AGMAT: variants seen among roughly 807,000 people sequenced by gnomAD.
AGMAT encodes agmatinase (putative).
Under a neutral mutation model 29.3 loss-of-function variants are expected in AGMAT, and 37 were observed. That is an observed-to-expected ratio of 1.26 (90% CI 0.97 to 1.66). The LOEUF is 1.66. AGMAT is among the 40% of genes most tolerant of loss of function. The probability of loss-of-function intolerance (pLI) is 0.00; values close to 1 mark genes in which losing one functional copy is unlikely to be tolerated. For synonymous variants in AGMAT, 199 were observed against 200.8 expected (o/e 0.99, Z 0.08); for missense variants, 498 against 497.8 (o/e 1.00, Z 0.00).
In AGMAT at chr1:15,572,865, G is replaced by A. The variant is rs1378420999; in HGVS notation, c.*786C>T. The stretch of plus-strand genomic sequence containing the variant: ...GATGGAGTCTTGCTCTGGCACCCAG[G>A]CTGGAGTGCAGTGGTGCGATCTCAG... On this transcript the variant is annotated 3_prime_UTR_variant, in exon 7 of 7. Transcript: ENST00000375826. 1 of 150,202 alleles carries A rather than the reference G, an allele frequency of 6.7e-6. No homozygotes were observed. Among genetic ancestry groups the A allele is most frequent in the Non-Finnish European group, 1.5e-5 (1 of 67,964 alleles). 9.3% of individuals were successfully genotyped at this position (150,202 alleles called of 1,614,324 possible).
rs1186447665 is a variant in AGMAT, at chr1:15,577,769, A to G, written c.816T>C (p.Tyr272=). 5 of 1,614,210 alleles carry G rather than the reference A, an allele frequency of 3.1e-6. No homozygotes were observed. Among genetic ancestry groups the G allele is most frequent in the Non-Finnish European group, 3.4e-6 (4 of 1,180,032 alleles). Residue 272 remains tyrosine (Y), a synonymous_variant, in exon 5 of 7, where the codon TAT becomes TAC. Coordinates refer to ENST00000375826, the MANE Select transcript of AGMAT (RefSeq NM_024758.5). ...CCAGAGCGTCAATATCAAAGCTGAT[A>G]TAAATGGGTTTGCCTCCCATCTGCT... ...VRQQMGGKPI[Y]ISFDIDALDP...
rs758995423 is a variant in AGMAT, at chr1:15,584,887, A to G, written c.81T>C (p.His27=). 4 of 1,405,122 alleles carry G rather than the reference A, an allele frequency of 2.8e-6. No individual in the cohort carries two copies. The highest frequency in any genetic ancestry group is 3.7e-6 in the Non-Finnish European group (4 of 1,086,586). 87.0% of individuals were successfully genotyped at this position (1,405,122 alleles called of 1,614,324 possible). A position where few individuals can be genotyped will look rare whatever the true frequency, so the allele number is the denominator to read the frequency against. Residue 27 remains histidine, a synonymous_variant, in exon 1 of 7, where the codon CAT becomes CAC. Transcript: ENST00000375826. ...CCTGGCGGCTCTGGCGGCGCCCCGGATGAAAGAGCCCTGCGGCAGGACGCG... is the reference window on the plus strand; with the variant it reads ...CCTGGCGGCTCTGGCGGCGCCCCGGGTGAAAGAGCCCTGCGGCAGGACGCG... ...VGARPAAGLF[H]PGRRQSRQAS...
intron 5 of AGMAT, among the ~76,000 whole-genome samples, chr1:15,576,940 C>T (rs539655796): frequency 4.0e-5 from 6 of 149,786 alleles, no homozygotes; most frequent in Admixed American, 2.0e-4. Context: ...TTAGTAGAGA[C>T]GGAGTTTCAC....
intron 5 of AGMAT, among the ~76,000 whole-genome samples, chr1:15,577,051 A>G (rs1639050682): frequency 6.6e-6 from 1 of 151,918 alleles, no homozygotes. Flanking sequence ...TGCCCGGCCA[A>G]GTTTAGTGTT....
rs970867335 is a variant in AGMAT at position 15,583,182 on chromosome 1, A to T, written c.475+11T>A. On this transcript the variant is annotated intron_variant, in intron 2 of 6. Coordinates refer to ENST00000375826, the MANE Select transcript of AGMAT (RefSeq NM_024758.5). ...CAGGGAACTACTCTGGCTCTTGCAGACTGACATTACCCAAGGTCAGAGGAA... is the reference window on the plus strand; with the variant it reads ...CAGGGAACTACTCTGGCTCTTGCAGTCTGACATTACCCAAGGTCAGAGGAA... The T allele has an allele frequency of 6.2e-7, 1 of 1,613,586 alleles. No individual in the cohort carries two copies. Among genetic ancestry groups the T allele is most frequent in the Non-Finnish European group, 8.5e-7 (1 of 1,179,794 alleles).
chr1:15,573,701 T>C lies in AGMAT; in HGVS notation c.1009A>G (p.Asn337Asp). ...GCACATAGCATCTCAAACAGCAGGTTAGCCGCCAGCAGGGCTGTGTTCCCT... is the reference window on the plus strand; with the variant it reads ...GCACATAGCATCTCAAACAGCAGGTCAGCCGCCAGCAGGGCTGTGTTCCCT... ...LSGNTALLAA[N>D]LLFEMLCALP... The change falls in exon 7 of 7, where the codon AAC becomes GAC. Residue 337 changes from asparagine (N) to aspartate (D), a missense_variant. By Grantham distance (23) the Asn-to-Asp change is conservative (BLOSUM62 1). Transcript: ENST00000375826. 1.2e-6 allele frequency: 2 copies of C among 1,614,222 alleles called. No individual in the cohort carries two copies. The highest frequency in any genetic ancestry group is 1.7e-5 in the Admixed American group (1 of 60,024).
Position 15,576,836 on chromosome 1 carries a change from G to A in AGMAT, c.900+849C>T, listed in dbSNP as rs568131040. 5.7e-5 allele frequency among the ~76,000 whole-genome samples: 8 copies of A among 140,664 alleles called. No individual in the cohort carries two copies. In the South Asian group the frequency reaches 1.4e-3, roughly 24 times the overall value. The allele number at this position is 140,664 out of a possible 152,430, so 92.3% of individuals were successfully genotyped here. A position where few individuals can be genotyped will look rare whatever the true frequency, so the allele number is the denominator to read the frequency against. ...TCTATCTCGGCTCACTGCAAGCTCT[G>A]CCTCCCGGGTTCATGCCATTCTCCT... On this transcript the variant is annotated intron_variant, in intron 5 of 6. Coordinates refer to ENST00000375826, the MANE Select transcript of AGMAT (RefSeq NM_024758.5).
chr1:15,583,144 T>C, intron 2 of AGMAT, 49 bp downstream of exon 2: 1 of 1,572,240 alleles, frequency 6.4e-7, no homozygotes, highest in Non-Finnish European at 8.7e-7. Context: ...ACAGGATAAG[T>C]AAACCCTGAG....
chr1:15,580,119 G>A lies in AGMAT; in HGVS notation c.499C>T (p.Pro167Ser). The change falls in exon 3 of 7, where the codon CCC becomes TCC. Residue 167 changes from proline to serine, a missense_variant. Coordinates refer to ENST00000375826, the MANE Select transcript of AGMAT (RefSeq NM_024758.5). ...TTTTTTGCCATCGCTTGCAATATGG[G>A]ATATGTGATTGTGTGATCTCCACCT... ...TLGGDHTITY[P>S]ILQAMAKKHG... 1 of 1,613,308 alleles carries A rather than the reference G, an allele frequency of 6.2e-7. No individual in the cohort carries two copies. Among genetic ancestry groups the A allele is most frequent in the Non-Finnish European group, 8.5e-7 (1 of 1,179,676 alleles).
At chr1:15,577,589 A>T (rs1265298302) in intron 5 of AGMAT, 96 bp downstream of exon 5, 1 of 1,336,182 alleles carries the variant, frequency 7.5e-7, no homozygotes, top group Non-Finnish European at 1.0e-6. Context: ...ACAAACAAAA[A>T]TCCTATCCTG....
rs1639058754 is a variant in AGMAT, at chr1:15,577,713, G to A, written c.872C>T (p.Pro291Leu). The change falls in exon 5 of 7, where the codon CCT becomes CTT. Residue 291 changes from proline (P) to leucine (L), a missense_variant. Pro to Leu is a moderately conservative substitution (Grantham distance 98). Transcript: ENST00000375826. ...DPAYAPGTGT[P>L]EIAGLTPSQA... ...ACTAGGAGTGAGACCAGCAATTTCA[G>A]GTGTCCCTGTCCCTGGCGCATAGGC... 4 of 1,613,954 alleles carry A rather than the reference G, an allele frequency of 2.5e-6. No homozygotes were observed. In the East Asian group the frequency reaches 8.9e-5, roughly 36 times the overall value.
At position 15,584,757 on chromosome 1, in the gene AGMAT, G is replaced by T; in HGVS notation, c.211C>A (p.Leu71Met). Residue 71 changes from leucine (L) to methionine (M), a missense_variant, in exon 1 of 7, where the codon CTG (leucine) becomes ATG (methionine). Transcript: ENST00000375826. ...GGCACCCCGATGAAGGCAGCGTCCAGCCCCTCGGGGGAGGTCTGCACCGGC... is the reference window on the plus strand; with the variant it reads ...GGCACCCCGATGAAGGCAGCGTCCATCCCCTCGGGGGAGGTCTGCACCGGC... ...RLPVQTSPEG[L>M]DAAFIGVPLD... is the part of the protein sequence containing the mutation. 1 of 1,357,162 alleles carries T rather than the reference G, an allele frequency of 7.4e-7. No homozygotes were observed. The highest frequency in any genetic ancestry group is 1.5e-5 in the African/African-American group (1 of 66,738). 84.1% of individuals were successfully genotyped at this position (1,357,162 alleles called of 1,614,324 possible).
At position 15,584,833 on chromosome 1, in the gene AGMAT, G is replaced by T. The variant is rs943207500; in HGVS notation, c.135C>A (p.Pro45=). 1.4e-6 allele frequency: 2 copies of T among 1,430,664 alleles called. No homozygotes were observed. Among genetic ancestry groups the T allele is most frequent in the African/African-American group, 1.5e-5 (1 of 67,520 alleles). 88.6% of individuals were successfully genotyped at this position (1,430,664 alleles called of 1,614,324 possible). A position where few individuals can be genotyped will look rare whatever the true frequency, so the allele number is the denominator to read the frequency against. The change falls in exon 1 of 7, where the codon CCC becomes CCA. Residue 45 remains proline (P), a synonymous_variant. Coordinates refer to ENST00000375826, the MANE Select transcript of AGMAT (RefSeq NM_024758.5). ...QASDAPRNQP[P]SPEFVARPVG... ...CCGGCCGGGCCACGAACTCGGGGCT[G>T]GGGGGCTGGTTCCGGGGCGCGTCGG...
chr1:15,583,072 C>T, intron 2 of AGMAT, 121 bp downstream of exon 2: 1 of 840,418 alleles, frequency 1.2e-6, no homozygotes, highest in Admixed American at 2.4e-5. Flanking sequence ...GCTCTCTTTC[C>T]TACTGTCTGC....
Position 15,572,721 on chromosome 1 carries a change from C to G in AGMAT, c.*930G>C, listed in dbSNP as rs1272256423. 1 of 151,934 alleles carries G rather than the reference C, an allele frequency of 6.6e-6. No homozygotes were observed. Among genetic ancestry groups the G allele is most frequent in the African/African-American group, 2.4e-5 (1 of 41,344 alleles). The allele number at this position is 151,934 out of a possible 1,614,324, so 9.4% of individuals were successfully genotyped here. Reference sequence around the variant, plus strand: ...TTCTAGGCCTCTGAGCAAGAAGTTTCTTCATTAGGCTCTCCGTGTTACTTT... The same window carrying G: ...TTCTAGGCCTCTGAGCAAGAAGTTTGTTCATTAGGCTCTCCGTGTTACTTT... On this transcript the variant is annotated 3_prime_UTR_variant, in exon 7 of 7. Coordinates refer to ENST00000375826, the MANE Select transcript of AGMAT (RefSeq NM_024758.5).
Position 15,583,414 on chromosome 1 carries a change from T to A in AGMAT, c.273-19A>T. On this transcript the variant is annotated intron_variant, in intron 1 of 6. Transcript: ENST00000375826. Reference sequence around the variant, plus strand: ...TCCGAATCTGCAGAAGGAAGAATCATCCTGTCAGCCATCATCTGCAGAGAT... The same window carrying A: ...TCCGAATCTGCAGAAGGAAGAATCAACCTGTCAGCCATCATCTGCAGAGAT... The A allele has an allele frequency of 6.2e-7, 1 of 1,601,540 alleles. No homozygotes were observed. Among genetic ancestry groups the A allele is most frequent in the Non-Finnish European group, 8.5e-7 (1 of 1,173,820 alleles).
rs962159105 is a variant in AGMAT at position 15,577,747 on chromosome 1, G to C, written c.838C>G (p.Leu280Val). The change falls in exon 5 of 7, where the codon CTG becomes GTG. Residue 280 changes from leucine to valine, a missense_variant. Leu to Val is a conservative substitution (Grantham distance 32). Coordinates refer to ENST00000375826, the MANE Select transcript of AGMAT (RefSeq NM_024758.5). The part of the protein sequence containing the change: ...PIYISFDIDA[L>V]DPAYAPGTGT... ...GTCCCTGGCGCATAGGCAGGATCCA[G>C]AGCGTCAATATCAAAGCTGATATAA... 3 of 1,614,056 alleles carry C rather than the reference G, an allele frequency of 1.9e-6. No homozygotes were observed. The highest frequency in any genetic ancestry group is 1.7e-6 in the Non-Finnish European group (2 of 1,180,036).
intron 1 of AGMAT, 125 bp from the exon 2 acceptor site, chr1:15,583,520 G>C (rs1165408168): frequency 2.2e-6 from 2 of 918,626 alleles, no homozygotes; most frequent in Non-Finnish European, 3.3e-6. Context: ...TTGCATAATG[G>C]AATGCTTAGC....
intron 3 of AGMAT, 103 bp from the exon 4 acceptor site, chr1:15,579,157 G>A: frequency 2.7e-6 from 3 of 1,123,582 alleles, no homozygotes; most frequent in East Asian, 2.6e-5. Flanking sequence ...AGCCAAAAAG[G>A]GGAGACCTGG....
Sources: allele counts gnomAD v4.1 joint callset (sites outside exome capture counted in the v4.1 genomes callset), GRCh38; gene constraint gnomAD v4.1.1; transcripts MANE v1.5; gene names NCBI Gene and HGNC (gene_info 2026-07-23, HGNC 2026-07-21).